Variants in DNAJB13 observed in about 807,000 individuals in gnomAD.
DNAJB13 encodes the protein dnaJ homolog subfamily B member 13.
Under a neutral mutation model 35.6 loss-of-function variants are expected in DNAJB13, and 22 were observed. The observed-to-expected ratio is 0.62, with a 90% CI of 0.44 to 0.88. The LOEUF is 0.88. DNAJB13 is among the 40% of genes least tolerant of loss of function. The pLI is 0.00. For missense variants in DNAJB13, 370 were observed against 384.3 expected (o/e 0.96, Z 0.31); for synonymous variants, 136 against 144.2 (o/e 0.94, Z 0.41).
At chr11:73,965,127 T>C (rs1951072229) in intron 4 of DNAJB13, 92 bp downstream of exon 4, 4 of 1,328,410 alleles carry the variant, frequency 3.0e-6, no homozygotes, top group African/African-American at 1.5e-5. Context: ...GACTCAGGGA[T>C]GGTCTCTGAT....
chr11:73,962,777 A>T (rs895363163), intron 3 of DNAJB13, among the ~76,000 whole-genome samples: 1 of 152,030 alleles, frequency 6.6e-6, no homozygotes, highest in Non-Finnish European at 1.5e-5. Context: ...TGCCTCAGAG[A>T]TTGCTCCCAC....
At chr11:73,953,602 T>C (rs980437947) in intron 1 of DNAJB13, among the ~76,000 whole-genome samples, 1 of 152,138 alleles carries the variant, frequency 6.6e-6, no homozygotes, top group South Asian at 2.1e-4. Flanking sequence ...TTCTATACAA[T>C]GTCTGGAATC....
At chr11:73,958,443 A>G in intron 2 of DNAJB13, 23 bp downstream of exon 2, 1 of 1,602,152 alleles carries the variant, frequency 6.2e-7, no homozygotes, top group African/African-American at 1.3e-5. Flanking sequence ...GGGGCTGAGC[A>G]CCCCGCTTGA....
In DNAJB13 at chr11:73,965,028, C is replaced by T. The variant is rs1438382403; in HGVS notation, c.485C>T (p.Ser162Phe). 2 of 1,585,996 alleles carry T rather than the reference C, an allele frequency of 1.3e-6. No homozygotes were observed. The highest frequency in any genetic ancestry group is 1.2e-5 in the South Asian group (1 of 86,758). The stretch of plus-strand genomic sequence containing the variant: ...GGCTGCACCAAAAAAATTAAGATCT[C>T]CAGAAGGGTGAGTACTCAGCTTGCT... ...FFGCTKKIKI[S>F]RRVLNEDGYS... Residue 162 changes from serine to phenylalanine, a missense_variant, in exon 4 of 8, where the codon TCC (serine) becomes TTC (phenylalanine). Physicochemically the swap from Ser to Phe is radical, Grantham distance 155. Coordinates refer to ENST00000339764, the MANE Select transcript of DNAJB13 (RefSeq NM_153614.4).
At chr11:73,957,247 C>T (rs1039905099) in intron 1 of DNAJB13, among the ~76,000 whole-genome samples, 12 of 152,208 alleles carry the variant, frequency 7.9e-5, no homozygotes, top group Non-Finnish European at 1.6e-4. Context: ...TTCCCCAGTT[C>T]TCCTCCTATG....
In DNAJB13 at chr11:73,958,304, C is replaced by T. The variant is rs1950818538; in HGVS notation, c.69-13C>T. 6.2e-7 allele frequency: 1 copy of T among 1,613,578 alleles called. No individual in the cohort carries two copies. The highest frequency in any genetic ancestry group is 8.5e-7 in the Non-Finnish European group (1 of 1,179,590). On this transcript the variant is annotated splice_polypyrimidine_tract_variant and intron_variant, in intron 1 of 7. Coordinates refer to ENST00000339764, the MANE Select transcript of DNAJB13 (RefSeq NM_153614.4). ...CCAGCTGATAAGACTTGTATTAATT[C>T]TCCCTCTTCCAGGTACCGCAGACTC...
chr11:73,952,739 G>A (rs2135270290), intron 1 of DNAJB13, among the ~76,000 whole-genome samples: 1 of 152,318 alleles, frequency 6.6e-6, no homozygotes, highest in East Asian at 1.9e-4. Context: ...ACTGGAAAGG[G>A]CTGGATCAGA....
intron 1 of DNAJB13, among the ~76,000 whole-genome samples, chr11:73,952,593 G>C (rs1297262753): frequency 1.3e-5 from 2 of 152,186 alleles, no homozygotes; most frequent in Non-Finnish European, 2.9e-5. Flanking sequence ...CTCATGAAAG[G>C]ATCTGAGAAC....
chr11:73,954,698 G>A (rs1378664263), intron 1 of DNAJB13, among the ~76,000 whole-genome samples: 1 of 151,930 alleles, frequency 6.6e-6, no homozygotes, highest in Non-Finnish European at 1.5e-5. Flanking sequence ...GCTCATGCCT[G>A]TAATCCCAGC....
intron 1 of DNAJB13, among the ~76,000 whole-genome samples, chr11:73,957,206 G>A (rs1432312848): frequency 6.6e-6 from 1 of 152,178 alleles, no homozygotes; most frequent in Non-Finnish European, 1.5e-5. Flanking sequence ...GCGGGGAGAT[G>A]GGGAGGGAGA....
In DNAJB13 at chr11:73,968,291, G is replaced by C. The variant is rs750798169; in HGVS notation, c.607-54G>C. On this transcript the variant is annotated intron_variant, in intron 5 of 7. Transcript: ENST00000339764. ...GGAGACAAGTAGAGGCAGGAACTTG[G>C]CCAAGGTCACACGGCCAACTAGTCC... is the stretch of plus-strand genomic sequence containing the variant. 5 of 1,522,910 alleles carry C rather than the reference G, an allele frequency of 3.3e-6. No individual in the cohort carries two copies. In the East Asian group the frequency reaches 1.1e-4, roughly 34 times the overall value. 94.3% of individuals were successfully genotyped at this position (1,522,910 alleles called of 1,614,324 possible). A position where few individuals can be genotyped will look rare whatever the true frequency, so the allele number is the denominator to read the frequency against.
intron 2 of DNAJB13, among the ~76,000 whole-genome samples, chr11:73,958,909 T>A (rs1158449186): frequency 6.6e-6 from 1 of 151,922 alleles, no homozygotes; most frequent in African/African-American, 2.4e-5. Flanking sequence ...ACCAGCAGAG[T>A]GAAGAAAGTG....
At chr11:73,969,500 A>G (rs556637441) in intron 7 of DNAJB13, among the ~76,000 whole-genome samples, 178 bp downstream of exon 7, 51 of 152,308 alleles carry the variant, frequency 3.3e-4, no homozygotes, top group African/African-American at 1.0e-3. Context: ...GTGGGCTGCA[A>G]TCACCTGGCA....
intron 3 of DNAJB13, among the ~76,000 whole-genome samples, chr11:73,961,103 A>G (rs1387188971): frequency 2.0e-5 from 3 of 152,156 alleles, no homozygotes; most frequent in African/African-American, 4.8e-5. Flanking sequence ...CCTGGGCAAC[A>G]TAGCCAAACC....
At chr11:73,957,085 G>A (rs1010584707) in intron 1 of DNAJB13, among the ~76,000 whole-genome samples, 8 of 152,200 alleles carry the variant, frequency 5.3e-5, no homozygotes, top group East Asian at 3.9e-4. Flanking sequence ...TGTGCTGGAT[G>A]CTTCCCGTGC....
In DNAJB13 at chr11:73,970,212, A is replaced by G; in HGVS notation, c.*98A>G. Reference sequence around the variant, plus strand: ...GGGTGTGCAGGGGAGCCTGCTGCACAGATATGATACAAGGGTGGGATGGCG... The same window carrying G: ...GGGTGTGCAGGGGAGCCTGCTGCACGGATATGATACAAGGGTGGGATGGCG... On this transcript the variant is annotated 3_prime_UTR_variant, in exon 8 of 8. Transcript: ENST00000339764. The G allele has an allele frequency of 6.9e-7, 1 of 1,443,308 alleles. No homozygotes were observed. The allele number at this position is 1,443,308 out of a possible 1,614,324, so 89.4% of individuals were successfully genotyped here.
chr11:73,967,948 G>T (rs1951166710), intron 5 of DNAJB13: 1 of 316,696 alleles, frequency 3.2e-6, no homozygotes, highest in Non-Finnish European at 5.7e-6. Flanking sequence ...GCGCCCAGAA[G>T]AGACCTCAGC....
rs562541791 is a variant in DNAJB13 at position 73,961,335 on chromosome 11, G to A, written c.334+1680G>A. Reference sequence around the variant, plus strand: ...ATCATTGAAAGGCCTGGGTGAGAAGGCTGTAAGCTGGCCCTGTAGGAAATC... The same window carrying A: ...ATCATTGAAAGGCCTGGGTGAGAAGACTGTAAGCTGGCCCTGTAGGAAATC... On this transcript the variant is annotated intron_variant, in intron 3 of 7. Coordinates refer to ENST00000339764, the MANE Select transcript of DNAJB13 (RefSeq NM_153614.4). Among the ~76,000 whole-genome samples, 17 of 152,174 alleles carry A rather than the reference G, an allele frequency of 1.1e-4. No homozygotes were observed. In the South Asian group the frequency reaches 2.1e-3, roughly 19 times the overall value.
chr11:73,964,472 C>G, intron 3 of DNAJB13: 1 of 231,068 alleles, frequency 4.3e-6, no homozygotes, highest in Non-Finnish European at 8.6e-6. Flanking sequence ...GGACTACCAG[C>G]AGTCTCTTCT....
Sources: gnomAD v4.1 joint callset for allele counts (sites outside exome capture counted in the v4.1 genomes callset) on GRCh38, gnomAD v4.1.1 for gene constraint, MANE v1.5 for transcripts, NCBI Gene and HGNC (gene_info 2026-07-23, HGNC 2026-07-21) for gene names.